The following RALGPS2 variants were observed in gnomAD, a reference collection of about 807,000 sequenced individuals.
RALGPS2 encodes the protein ras-specific guanine nucleotide-releasing factor RalGPS2.
A neutral mutation model predicts 86.8 loss-of-function variants in RALGPS2; 43 were observed. The observed-to-expected ratio is 0.50, with a 90% CI of 0.39 to 0.64. The LOEUF is 0.64. RALGPS2 is among the 30% of genes least tolerant of loss of function. RALGPS2 has a pLI of 0.00. For missense variants in RALGPS2, 536 were observed against 694.6 expected (o/e 0.77, Z 2.57); for synonymous variants, 243 against 231.3 (o/e 1.05, Z -0.46).
chr1:178,788,096 T>A (rs1301609273), intron 4 of RALGPS2, among the ~76,000 whole-genome samples: 5 of 152,206 alleles, frequency 3.3e-5, no homozygotes, highest in African/African-American at 1.2e-4. Context: ...AGCCTTCCTT[T>A]AGCCCCTCTC....
chr1:178,900,919 AAG>A (rs1660144682), intron 17 of RALGPS2, among the ~76,000 whole-genome samples: 2 of 151,998 alleles, frequency 1.3e-5, no homozygotes, highest in Admixed American at 1.3e-4. Context: ...CTTTTTGAAA[AAG>A]GGAATTGAGG....
At chr1:178,767,024 C>G (rs189313076) in intron 1 of RALGPS2, among the ~76,000 whole-genome samples, 48 of 152,224 alleles carry the variant, frequency 3.2e-4, no homozygotes, top group Non-Finnish European at 5.9e-4. Flanking sequence ...TGATTGTTTT[C>G]TGAAATTCTT....
At chr1:178,762,663 T>C (rs544122125) in intron 1 of RALGPS2, among the ~76,000 whole-genome samples, 60 of 152,350 alleles carry the variant, frequency 3.9e-4, no homozygotes, top group Admixed American at 2.8e-3. Context: ...TTGAGAAGTA[T>C]CTGTTCATGT....
intron 4 of RALGPS2, among the ~76,000 whole-genome samples, chr1:178,793,401 C>CTTT (rs76555147): frequency 4.5e-5 from 5 of 110,000 alleles, no homozygotes; most frequent in Admixed American, 9.2e-5. Flanking sequence ...CCACAGGGGT[C>CTTT]TTTTTTTTTT....
At chr1:178,801,015 C>T (rs1031444758) in intron 4 of RALGPS2, among the ~76,000 whole-genome samples, 4 of 152,004 alleles carry the variant, frequency 2.6e-5, no homozygotes, top group South Asian at 2.1e-4. Context: ...CAAACTCCAC[C>T]TCCTGGGTTC....
chr1:178,886,566 A>G (rs1360021358), intron 13 of RALGPS2, among the ~76,000 whole-genome samples: 1 of 152,162 alleles, frequency 6.6e-6, no homozygotes, highest in African/African-American at 2.4e-5. Flanking sequence ...CCCTATGGAG[A>G]TGTCAGGTAG....
intron 16 of RALGPS2, among the ~76,000 whole-genome samples, chr1:178,894,767 A>G (rs1161573593): frequency 6.6e-6 from 1 of 152,068 alleles, no homozygotes; most frequent in African/African-American, 2.4e-5. Flanking sequence ...ATAAAATGTT[A>G]TTATATGTGC....
intron 19 of RALGPS2, among the ~76,000 whole-genome samples, chr1:178,915,594 T>C (rs1660781849): frequency 6.6e-6 from 1 of 152,252 alleles, no homozygotes; most frequent in South Asian, 2.1e-4. Flanking sequence ...TGAGCATTTG[T>C]GTTGTATTTG....
intron 15 of RALGPS2, among the ~76,000 whole-genome samples, chr1:178,892,627 C>T (rs948874800): frequency 2.0e-5 from 3 of 152,038 alleles, no homozygotes; most frequent in African/African-American, 7.2e-5. Flanking sequence ...AAATCTGCTT[C>T]TTTATTCATA....
rs1018828028 is a variant in RALGPS2 at position 178,737,170 on chromosome 1, A to G, written c.-84+11751A>G. ...AATATGGCATTCGAATTTAAGAGGCATCTTAATTTCAGAGATTTTAAAAGG... is the reference window on the plus strand; with the variant it reads ...AATATGGCATTCGAATTTAAGAGGCGTCTTAATTTCAGAGATTTTAAAAGG... On this transcript the variant is annotated intron_variant, in intron 1 of 19. Transcript: ENST00000367635. 2.0e-5 allele frequency among the ~76,000 whole-genome samples: 3 copies of G among 152,220 alleles called. No individual in the cohort carries two copies. The South Asian group carries it at 6.2e-4, about 31-fold the overall frequency.
chr1:178,850,248 T>G (rs911883409), intron 8 of RALGPS2: 3 of 151,874 alleles, frequency 2.0e-5, no homozygotes, highest in Non-Finnish European at 2.9e-5. Context: ...ATTGGTTGGG[T>G]TTTTTTTTCT....
chr1:178,751,496 A>G (rs1651656509), intron 1 of RALGPS2, among the ~76,000 whole-genome samples: 1 of 152,136 alleles, frequency 6.6e-6, no homozygotes, highest in African/African-American at 2.4e-5. Context: ...CTATTCCATA[A>G]CCTTCTGAAC....
chr1:178,905,207 C>CTTT (rs1660341361), intron 18 of RALGPS2, among the ~76,000 whole-genome samples: 1 of 152,048 alleles, frequency 6.6e-6, no homozygotes, highest in South Asian at 2.1e-4. Flanking sequence ...GAATTCAAAG[C>CTTT]CCCAGCCTCC....
chr1:178,812,700 G>A (rs1480404581), intron 6 of RALGPS2, among the ~76,000 whole-genome samples: 3 of 152,092 alleles, frequency 2.0e-5, no homozygotes, highest in South Asian at 2.1e-4. Context: ...TAATAAATAC[G>A]TAACTTTCCT....
chr1:178,908,500 C>T (rs1290521341), intron 19 of RALGPS2, among the ~76,000 whole-genome samples: 1 of 152,222 alleles, frequency 6.6e-6, no homozygotes, highest in East Asian at 1.9e-4. Context: ...TTTGAGAAAT[C>T]TCCAAGCTGC....
chr1:178,885,659 G>T (rs1659449990), intron 12 of RALGPS2: 2 of 217,596 alleles, frequency 9.2e-6, no homozygotes, highest in South Asian at 3.3e-4. Context: ...TCAAAATGGG[G>T]ACACATGTTC....
intron 1 of RALGPS2, among the ~76,000 whole-genome samples, chr1:178,768,383 C>T (rs765507365): frequency 1.3e-5 from 2 of 152,092 alleles, no homozygotes; most frequent in African/African-American, 2.4e-5. Flanking sequence ...TTTTTTCCTC[C>T]TTCCCTTTCC....
At chr1:178,865,152 T>C (rs1237105661) in intron 8 of RALGPS2, 1 of 1,602,776 alleles carries the variant, frequency 6.2e-7, no homozygotes, top group Non-Finnish European at 8.5e-7. Context: ...GACACATGGG[T>C]GTCTTGTCGG....
chr1:178,737,835 T>C (rs549185449), intron 1 of RALGPS2, among the ~76,000 whole-genome samples: 1 of 152,226 alleles, frequency 6.6e-6, no homozygotes, highest in East Asian at 1.9e-4. Flanking sequence ...TGGATTCCAA[T>C]GGCATGATCA....
Sources: gnomAD v4.1 joint callset for allele counts (sites outside exome capture counted in the v4.1 genomes callset) on GRCh38, gnomAD v4.1.1 for gene constraint, MANE v1.5 for transcripts, NCBI Gene and HGNC (gene_info 2026-07-23, HGNC 2026-07-21) for gene names.